DNM2: variants seen among roughly 807,000 people sequenced by gnomAD.
DNM2 encodes dynamin-2.
In DNM2, 15 loss-of-function variants were observed where a neutral mutation model predicts 99.0. That is an observed-to-expected ratio of 0.15 (90% CI 0.10 to 0.23). The LOEUF is 0.23. Among genes scored for constraint, DNM2 ranks in the 10% least tolerant of loss-of-function variants. The probability of loss-of-function intolerance (pLI) is 1.00; values close to 1 mark genes in which losing one functional copy is unlikely to be tolerated. For synonymous variants in DNM2, 525 were observed against 481.2 expected (o/e 1.09, Z -1.19); for missense variants, 742 against 1,189.4 (o/e 0.62, Z 5.53).
intron 1 of DNM2, among the ~76,000 whole-genome samples, chr19:10,721,685 A>G (rs1322726315): frequency 1.3e-5 from 2 of 152,170 alleles, no homozygotes; most frequent in African/African-American, 4.8e-5. Context: ...CTAGGATTAC[A>G]GGTGTGAGCC....
chr19:10,799,414 G>C (rs927009905), intron 11 of DNM2, among the ~76,000 whole-genome samples: 1 of 150,700 alleles, frequency 6.6e-6, no homozygotes, highest in African/African-American at 2.4e-5. Flanking sequence ...GTTGTTTGTT[G>C]TATCTGTAGT....
At chr19:10,824,669 G>A in intron 17 of DNM2, 1 of 266,180 alleles carries the variant, frequency 3.8e-6, no homozygotes. Flanking sequence ...CAGGCATGGT[G>A]GCGCACCCCT....
At chr19:10,798,956 T>A (rs548812662) in intron 11 of DNM2, among the ~76,000 whole-genome samples, 342 of 152,288 alleles carry the variant, frequency 2.2e-3, no homozygotes, top group African/African-American at 7.9e-3. Flanking sequence ...CTGGGTGTAG[T>A]AACTCACGCC....
intron 14 of DNM2, chr19:10,809,897 TGGCCTCG>T (rs1335280820): frequency 6.6e-6 from 1 of 152,494 alleles, no homozygotes; most frequent in African/African-American, 2.4e-5. Flanking sequence ...AGGAATTAGT[TGGCCTCG>T]GGCTTGTGGT....
intron 1 of DNM2, among the ~76,000 whole-genome samples, chr19:10,720,145 A>G (rs2068888436): frequency 6.6e-6 from 1 of 151,730 alleles, no homozygotes; most frequent in Non-Finnish European, 1.5e-5. Flanking sequence ...GACCTTGCAC[A>G]GGTTGTCTTG....
rs2072730973 is a variant in DNM2, at chr19:10,816,144, C to T, written c.1671+3767C>T. 6.6e-6 allele frequency among the ~76,000 whole-genome samples: 1 copy of T among 152,152 alleles called. No individual in the cohort carries two copies. The highest frequency in any genetic ancestry group is 2.1e-4 in the South Asian group (1 of 4,826). ...GGGTCCCCCTGGGGTGGAGGCTTCC[C>T]CAGTGCACGTCTGCGGGCCCATGCT... is the stretch of plus-strand genomic sequence containing the variant. On this transcript the variant is annotated intron_variant, in intron 15 of 20. Transcript: ENST00000389253. This position sits in a 1 kb window ranked among gnomAD's most constrained non-coding sequence, Gnocchi z 4.6.
chr19:10,806,149 C>T (rs1362062132), intron 13 of DNM2, among the ~76,000 whole-genome samples, 182 bp downstream of exon 13: 1 of 152,192 alleles, frequency 6.6e-6, no homozygotes, highest in Non-Finnish European at 1.5e-5. Context: ...GGCCTGAGAG[C>T]CAACACTCTG....
Position 10,820,798 on chromosome 19 carries a change from G to T in DNM2, c.1781+709G>T, listed in dbSNP as rs985198264. Reference sequence around the variant, plus strand: ...ACTGGGCAGTCACCATTGCGTGGATGGTATTTCAAGGAACGAAACCAGATG... The same window carrying T: ...ACTGGGCAGTCACCATTGCGTGGATTGTATTTCAAGGAACGAAACCAGATG... On this transcript the variant is annotated intron_variant, in intron 16 of 20. Coordinates refer to ENST00000389253, the MANE Select transcript of DNM2 (RefSeq NM_001005361.3). The surrounding 1 kb of genome is among the most constrained non-coding windows in gnomAD (Gnocchi z 4.3). 6.6e-6 allele frequency among the ~76,000 whole-genome samples: 1 copy of T among 152,224 alleles called. No individual in the cohort carries two copies. The highest frequency in any genetic ancestry group is 1.5e-5 in the Non-Finnish European group (1 of 68,048).
intron 1 of DNM2, among the ~76,000 whole-genome samples, chr19:10,753,719 C>T (rs1032872183): frequency 1.3e-5 from 2 of 151,236 alleles, no homozygotes; most frequent in African/African-American, 4.9e-5. Flanking sequence ...TGCAATGGCG[C>T]GATCTCAGCT....
intron 1 of DNM2, among the ~76,000 whole-genome samples, chr19:10,756,963 G>C (rs565914026): frequency 1.4e-4 from 21 of 152,104 alleles, no homozygotes; most frequent in Non-Finnish European, 2.5e-4. Flanking sequence ...TCAGCCAGAG[G>C]GGGGTTTAAA....
At chr19:10,798,334 G>C in intron 10 of DNM2, 152 bp from the exon 11 acceptor site, 1 of 675,344 alleles carries the variant, frequency 1.5e-6, no homozygotes, top group Non-Finnish European at 2.7e-6. Flanking sequence ...CTCCCAGCTG[G>C]ACTCACTGGG....
chr19:10,751,897 G>A (rs534756737), intron 1 of DNM2, among the ~76,000 whole-genome samples: 1 of 152,364 alleles, frequency 6.6e-6, no homozygotes, highest in Non-Finnish European at 1.5e-5. Flanking sequence ...TGTACAGAGG[G>A]GTGCTTGTCC....
chr19:10,772,364 C>A lies in DNM2; in HGVS notation c.236-115C>A. 7.1e-7 allele frequency: 1 copy of A among 1,408,666 alleles called. No homozygotes were observed. Among genetic ancestry groups the A allele is most frequent in the Non-Finnish European group, 9.9e-7 (1 of 1,009,204 alleles). The allele number at this position is 1,408,666 out of a possible 1,614,324, so 87.3% of individuals were successfully genotyped here. ...AAAGTGCTGGGATTACAGGCGTGAG[C>A]TACTGTGCCCAGCCTGGGTCATTAC... is the stretch of plus-strand genomic sequence containing the variant. On this transcript the variant is annotated intron_variant, in intron 2 of 20. Coordinates refer to ENST00000389253, the MANE Select transcript of DNM2 (RefSeq NM_001005361.3). The surrounding 1 kb of genome is among the most constrained non-coding windows in gnomAD (Gnocchi z 4.9).
At chr19:10,745,462 C>T (rs560762441) in intron 1 of DNM2, among the ~76,000 whole-genome samples, 2 of 152,288 alleles carry the variant, frequency 1.3e-5, no homozygotes, top group Non-Finnish European at 2.9e-5. Context: ...AGGCTGGGCA[C>T]GCTTGAAATC....
chr19:10,743,771 C>T (rs191841819), intron 1 of DNM2, among the ~76,000 whole-genome samples: 30 of 126,754 alleles, frequency 2.4e-4, no homozygotes, highest in African/African-American at 9.0e-4. Context: ...GATTGCGCCA[C>T]TGCACTCCAG....
intron 6 of DNM2, among the ~76,000 whole-genome samples, chr19:10,785,959 G>A (rs936237980): frequency 6.6e-6 from 1 of 151,706 alleles, no homozygotes; most frequent in African/African-American, 2.4e-5. Context: ...CCACCACACC[G>A]AGATAATTTT....
intron 1 of DNM2, among the ~76,000 whole-genome samples, chr19:10,735,907 G>A (rs2069505645): frequency 6.6e-6 from 1 of 152,108 alleles, no homozygotes; most frequent in Non-Finnish European, 1.5e-5. Context: ...AACCTGAACT[G>A]TCTGTTCTGT....
chr19:10,830,293 G>A lies in DNM2; in HGVS notation c.2458G>A (p.Ala820Thr). Residue 820 changes from alanine (A) to threonine (T), a missense_variant, in exon 20 of 21, where the codon GCC becomes ACC. By Grantham distance (58) the Ala-to-Thr change is moderately conservative. Coordinates refer to ENST00000389253, the MANE Select transcript of DNM2 (RefSeq NM_001005361.3). This position sits in a 1 kb window ranked among gnomAD's most constrained non-coding sequence, Gnocchi z 4.8. ...PSRPGPQSVF[A>T]NSDLFPAPPQ... ...CCGGCCTGGACCCCAGAGCGTGTTT[G>A]CCAACAGTGACCTCTTCCCAGCCCC... 3 of 1,613,784 alleles carry A rather than the reference G, an allele frequency of 1.9e-6. No homozygotes were observed. Among genetic ancestry groups the A allele is most frequent in the Non-Finnish European group, 2.5e-6 (3 of 1,179,920 alleles).
At chr19:10,824,022 C>A in intron 17 of DNM2, 123 bp downstream of exon 17, 2 of 873,236 alleles carry the variant, frequency 2.3e-6, no homozygotes, top group Admixed American at 2.3e-5. Context: ...AATCATGTAG[C>A]AGATGCCCAC....
Sources: gnomAD v4.1 joint callset for allele counts (sites outside exome capture counted in the v4.1 genomes callset) on GRCh38, gnomAD v4.1.1 for gene constraint, Gnocchi (gnomAD v3.1) non-coding constraint, MANE v1.5 for transcripts, NCBI Gene and HGNC (gene_info 2026-07-23, HGNC 2026-07-21) for gene names.